The following CAMK2D variants were observed in gnomAD, a reference collection of about 807,000 sequenced individuals.
The protein encoded by CAMK2D is calcium/calmodulin dependent protein kinase II delta, also known as calcium/calmodulin-dependent protein kinase type II subunit delta.
A neutral mutation model predicts 84.0 loss-of-function variants in CAMK2D; 37 were observed. The ratio of observed to expected loss-of-function variants is 0.44; its 90% CI spans 0.34 to 0.58. CAMK2D has a LOEUF of 0.58. Among genes scored for constraint, CAMK2D ranks in the 20% least tolerant of loss-of-function variants. The pLI, the probability that CAMK2D is intolerant of heterozygous loss-of-function variation, is 0.02. For missense variants in CAMK2D, 448 were observed against 652.5 expected (o/e 0.69, Z 3.41); for synonymous variants, 202 against 212.5 (o/e 0.95, Z 0.43).
chr4:113,518,455 A>C (rs927622029), intron 8 of CAMK2D, among the ~76,000 whole-genome samples: 2 of 152,202 alleles, frequency 1.3e-5, no homozygotes, highest in Non-Finnish European at 2.9e-5. Flanking sequence ...TTTCCCTGAA[A>C]TCATATCTGC....
chr4:113,611,695 C>A (rs1038659442), intron 3 of CAMK2D, among the ~76,000 whole-genome samples: 1 of 152,114 alleles, frequency 6.6e-6, no homozygotes, highest in Non-Finnish European at 1.5e-5. Flanking sequence ...TAAATATCAT[C>A]ATTCAGAAAT....
intron 6 of CAMK2D, among the ~76,000 whole-genome samples, chr4:113,545,436 A>G (rs1213867765): frequency 6.6e-6 from 1 of 152,236 alleles, no homozygotes; most frequent in African/African-American, 2.4e-5. Flanking sequence ...TAAATAGCAT[A>G]GGAATAGTAA....
chr4:113,582,289 T>G (rs1157538265), intron 4 of CAMK2D, among the ~76,000 whole-genome samples: 1 of 152,162 alleles, frequency 6.6e-6, no homozygotes, highest in Non-Finnish European at 1.5e-5. Context: ...GGAAGGAAAT[T>G]TATATATAAA....
At position 113,716,784 on chromosome 4, in the gene CAMK2D, T is replaced by C. The variant is rs141767355; in HGVS notation, c.160+42536A>G. Among the ~76,000 whole-genome samples, 4 of 151,986 alleles carry C rather than the reference T, an allele frequency of 2.6e-5. No individual in the cohort carries two copies. The East Asian group carries it at 7.7e-4, about 29-fold the overall frequency. ...ATCCAGCAAAGTGAACTTAGTGATA[T>C]AAAGGAGGACACATGGTAATGAGCA... On this transcript the variant is annotated intron_variant, in intron 2 of 20. Transcript: ENST00000511664.
chr4:113,560,683 G>T (rs1591249419), intron 4 of CAMK2D, among the ~76,000 whole-genome samples: 4 of 152,114 alleles, frequency 2.6e-5, no homozygotes, highest in Admixed American at 2.6e-4. Context: ...TGAATACACA[G>T]TAACATCCAC....
At chr4:113,475,332 T>TAACA (rs2097594628) in intron 16 of CAMK2D, among the ~76,000 whole-genome samples, 1 of 21,484 alleles carries the variant, frequency 4.7e-5, no homozygotes, top group African/African-American at 1.1e-3. Context: ...TGGTTTTGAA[T>TAACA]AACTAACAAA....
In CAMK2D at chr4:113,508,622, G is replaced by T. The variant is rs528494133; in HGVS notation, c.984+1016C>A. On this transcript the variant is annotated intron_variant, in intron 13 of 20. Coordinates refer to ENST00000511664, the MANE Select transcript of CAMK2D (RefSeq NM_001321571.2). The stretch of plus-strand genomic sequence containing the variant: ...AACTAATCAGAATGAAGACACAATT[G>T]CAGGCTGAGGAAAGCAATTGGTAAA... Among the ~76,000 whole-genome samples the T allele has an allele frequency of 4.6e-5, 7 of 152,310 alleles. 1 individual carries two copies. The South Asian group carries it at 1.4e-3, about 32-fold the overall frequency.
chr4:113,465,519 C>G lies in CAMK2D; in HGVS notation c.1211+10G>C, dbSNP rs545988055. On this transcript the variant is annotated intron_variant, in intron 17 of 20. Coordinates refer to ENST00000511664, the MANE Select transcript of CAMK2D (RefSeq NM_001321571.2). ...TATGCATGAAAGCAAAGTAAACGTC[C>G]GCTACTCACGTGTAGGCTTCAAAGT... is the stretch of plus-strand genomic sequence containing the variant. 6.4e-7 allele frequency: 1 copy of G among 1,558,868 alleles called. No individual in the cohort carries two copies. The highest frequency in any genetic ancestry group is 1.7e-5 in the Admixed American group (1 of 57,872).
intron 3 of CAMK2D, among the ~76,000 whole-genome samples, chr4:113,655,719 G>T (rs150971431): frequency 2.8e-4 from 42 of 152,096 alleles, no homozygotes; most frequent in Middle Eastern, 3.4e-3. Flanking sequence ...CCAAATAAAG[G>T]CCCATACATG....
intron 13 of CAMK2D, among the ~76,000 whole-genome samples, chr4:113,506,434 T>C (rs184659309): frequency 5.8e-4 from 88 of 152,308 alleles, no homozygotes; most frequent in Admixed American, 1.6e-3. Flanking sequence ...CAATCTATAT[T>C]CTGCAGATAG....
chr4:113,575,764 T>C (rs1361353902), intron 4 of CAMK2D, among the ~76,000 whole-genome samples: 1 of 152,164 alleles, frequency 6.6e-6, no homozygotes, highest in African/African-American at 2.4e-5. Flanking sequence ...GGACATTAGA[T>C]TATAAAACCT....
chr4:113,463,391 T>C (rs543371698), intron 17 of CAMK2D, among the ~76,000 whole-genome samples: 6 of 152,350 alleles, frequency 3.9e-5, no homozygotes, highest in African/African-American at 1.4e-4. Flanking sequence ...TTGTTTATTT[T>C]TTGAGAAAGA....
chr4:113,555,971 A>G (rs2098661888), intron 4 of CAMK2D, among the ~76,000 whole-genome samples: 1 of 152,128 alleles, frequency 6.6e-6, no homozygotes, highest in African/African-American at 2.4e-5. Flanking sequence ...CCTGCAATCC[A>G]GGAAAGAGCC....
chr4:113,548,210 C>CA (rs2098597968), intron 5 of CAMK2D, among the ~76,000 whole-genome samples: 1 of 152,236 alleles, frequency 6.6e-6, no homozygotes, highest in Non-Finnish European at 1.5e-5. Flanking sequence ...ATTTAGCTGG[C>CA]AATTAATATC....
intron 2 of CAMK2D, among the ~76,000 whole-genome samples, chr4:113,701,997 A>G (rs2154348742): frequency 1.3e-5 from 2 of 152,274 alleles, no homozygotes; most frequent in Middle Eastern, 6.8e-3. Context: ...CACCATGCCT[A>G]GCTCAATTAG....
chr4:113,760,934 T>C (rs1051986430), intron 1 of CAMK2D, 70 bp downstream of exon 1: 58 of 1,591,510 alleles, frequency 3.6e-5, no homozygotes, highest in Non-Finnish European at 5.0e-5. Flanking sequence ...CGGAGGCCGG[T>C]GGGTCGGGGG....
intron 3 of CAMK2D, among the ~76,000 whole-genome samples, chr4:113,623,714 T>G (rs917792663): frequency 5.3e-5 from 8 of 151,940 alleles, no homozygotes; most frequent in African/African-American, 1.9e-4. Context: ...AGTCTGTTGT[T>G]AACTAAACAT....
intron 2 of CAMK2D, among the ~76,000 whole-genome samples, chr4:113,705,277 A>G (rs1340775803): frequency 6.6e-6 from 1 of 150,418 alleles, no homozygotes; most frequent in Non-Finnish European, 1.5e-5. Context: ...CGGTGAGCTG[A>G]GATCACCCCA....
intron 3 of CAMK2D, among the ~76,000 whole-genome samples, chr4:113,614,082 T>C (rs1214015931): frequency 1.3e-5 from 2 of 152,134 alleles, no homozygotes; most frequent in Non-Finnish European, 2.9e-5. Flanking sequence ...AGACTTAATA[T>C]CTTTCCTAAA....
Sources: gnomAD v4.1 joint callset for allele counts (sites outside exome capture counted in the v4.1 genomes callset) on GRCh38, gnomAD v4.1.1 for gene constraint, MANE v1.5 for transcripts, NCBI Gene and HGNC (gene_info 2026-07-23, HGNC 2026-07-21) for gene names.